Variants in CHST11 observed in about 807,000 individuals in gnomAD.
The protein encoded by CHST11 is carbohydrate sulfotransferase 11, also known as C4S-1.
CHST11 carries 9 observed loss-of-function variants against 30.4 expected under a neutral mutation model. The ratio of observed to expected loss-of-function variants is 0.30; its 90% CI spans 0.18 to 0.52. CHST11 has a LOEUF of 0.52. Among genes scored for constraint, CHST11 ranks in the 20% least tolerant of loss-of-function variants. CHST11 has a pLI of 0.97. For synonymous variants in CHST11, 152 were observed against 187.8 expected, an observed-to-expected ratio of 0.81 and a Z score of 1.56; for missense variants, 348 against 460.6, an observed-to-expected ratio of 0.76 and a Z score of 2.24.
At chr12:104,636,098 G>A (rs1439096533) in intron 2 of CHST11, among the ~76,000 whole-genome samples, 1 of 152,148 alleles carries the variant, frequency 6.6e-6, no homozygotes, top group Non-Finnish European at 1.5e-5. Context: ...TTACAGATGT[G>A]GCTATTGAGG....
rs367908562 is a variant in CHST11 at position 104,643,742 on chromosome 12, A to G, written c.204+41751A>G. ...TCCTTTGCCTGGAATGGCTTATTCT[A>G]GATCAGGGATGGAAACATCAGTTGT... On this transcript the variant is annotated intron_variant, in intron 2 of 2. Transcript: ENST00000303694. Among the ~76,000 whole-genome samples, 131 of 152,194 alleles carry G rather than the reference A, an allele frequency of 8.6e-4. 6 individuals are homozygous for G. The South Asian group carries it at 0.027, about 31-fold the overall frequency.
chr12:104,474,597 A>G (rs1405283150), intron 1 of CHST11, among the ~76,000 whole-genome samples: 1 of 152,246 alleles, frequency 6.6e-6, no homozygotes, highest in Non-Finnish European at 1.5e-5. Context: ...GATTTGAGGG[A>G]TGTGCAGGAT....
intron 1 of CHST11, among the ~76,000 whole-genome samples, chr12:104,476,069 T>C (rs1016249192): frequency 6.2e-5 from 9 of 144,424 alleles, no homozygotes; most frequent in Non-Finnish European, 1.4e-4. Flanking sequence ...TAATTACATA[T>C]ATGTAGTTAT....
intron 2 of CHST11, among the ~76,000 whole-genome samples, chr12:104,742,229 C>T (rs1566061509): frequency 6.6e-6 from 1 of 152,144 alleles, no homozygotes; most frequent in Admixed American, 6.5e-5. Flanking sequence ...ATATTCTGGT[C>T]AGTCTGGGAA....
intron 1 of CHST11, among the ~76,000 whole-genome samples, chr12:104,592,213 A>G (rs2038866259): frequency 1.3e-5 from 2 of 150,888 alleles, no homozygotes; most frequent in Non-Finnish European, 2.9e-5. Context: ...GTGGGTGGGC[A>G]GCATACCCCA....
At chr12:104,625,611 C>A (rs1049972420) in intron 2 of CHST11, among the ~76,000 whole-genome samples, 1 of 152,172 alleles carries the variant, frequency 6.6e-6, no homozygotes, top group African/African-American at 2.4e-5. Flanking sequence ...AGCTGGCCAT[C>A]CTTTTTCTTT....
chr12:104,744,925 G>A (rs2040378778), intron 2 of CHST11, among the ~76,000 whole-genome samples: 1 of 151,970 alleles, frequency 6.6e-6, no homozygotes, highest in Admixed American at 6.6e-5. Flanking sequence ...CCAGGCTGGA[G>A]TGCAATGGCA....
chr12:104,742,066 A>G (rs959980135), intron 2 of CHST11, among the ~76,000 whole-genome samples: 2 of 152,184 alleles, frequency 1.3e-5, no homozygotes, highest in African/African-American at 4.8e-5. Flanking sequence ...AGTGCCTACT[A>G]TGTGCCAGGT....
At chr12:104,561,077 G>T (rs895785509) in intron 1 of CHST11, among the ~76,000 whole-genome samples, 1 of 152,124 alleles carries the variant, frequency 6.6e-6, no homozygotes, top group Non-Finnish European at 1.5e-5. Flanking sequence ...TGCGAGATGA[G>T]TAAGATAATT....
intron 2 of CHST11, among the ~76,000 whole-genome samples, chr12:104,684,843 C>T (rs2039832013): frequency 6.6e-6 from 1 of 152,236 alleles, no homozygotes; most frequent in Non-Finnish European, 1.5e-5. Flanking sequence ...GCCACCACCA[C>T]ACCCAGCCCC....
intron 2 of CHST11, among the ~76,000 whole-genome samples, chr12:104,715,926 G>A (rs2040127510): frequency 6.6e-6 from 1 of 152,216 alleles, no homozygotes; most frequent in African/African-American, 2.4e-5. Flanking sequence ...ACCTATAGCA[G>A]TATTAGATCC....
At chr12:104,686,729 C>A (rs2039849959) in intron 2 of CHST11, among the ~76,000 whole-genome samples, 1 of 152,176 alleles carries the variant, frequency 6.6e-6, no homozygotes, top group South Asian at 2.1e-4. Context: ...CTCACCGTAA[C>A]CTCCGCCTCC....
At chr12:104,674,235 T>C (rs956644192) in intron 2 of CHST11, among the ~76,000 whole-genome samples, 1 of 152,206 alleles carries the variant, frequency 6.6e-6, no homozygotes, top group Non-Finnish European at 1.5e-5. Flanking sequence ...AACTCTTAGC[T>C]GTTCATTAAA....
At chr12:104,733,376 CTG>C in intron 2 of CHST11, among the ~76,000 whole-genome samples, 1 of 152,182 alleles carries the variant, frequency 6.6e-6, no homozygotes, top group Non-Finnish European at 1.5e-5. Flanking sequence ...GTAACACTGA[CTG>C]TGGGTATCAG....
At chr12:104,538,629 T>C (rs1294698738) in intron 1 of CHST11, among the ~76,000 whole-genome samples, 1 of 152,234 alleles carries the variant, frequency 6.6e-6, no homozygotes, top group African/African-American at 2.4e-5. Flanking sequence ...CCACTTCATT[T>C]CTTTCCTCCA....
intron 1 of CHST11, among the ~76,000 whole-genome samples, chr12:104,544,416 T>C (rs2038322249): frequency 6.6e-6 from 1 of 152,062 alleles, no homozygotes; most frequent in South Asian, 2.1e-4. Flanking sequence ...ATTTTGCCAT[T>C]GTAGAAATCA....
At chr12:104,640,386 T>G (rs1345091988) in intron 2 of CHST11, among the ~76,000 whole-genome samples, 5 of 152,198 alleles carry the variant, frequency 3.3e-5, no homozygotes, top group African/African-American at 1.2e-4. Context: ...CAACAGAATA[T>G]TATTCAGCAA....
intron 2 of CHST11, among the ~76,000 whole-genome samples, chr12:104,675,017 G>A (rs926867574): frequency 1.3e-5 from 2 of 152,108 alleles, no homozygotes; most frequent in African/African-American, 4.8e-5. Context: ...GCATTTTTCC[G>A]AAGAAAGGTA....
In CHST11 at chr12:104,727,944, G is replaced by C. The variant is rs188033462; in HGVS notation, c.205-29005G>C. ...AGTTAAAAATCAGGCAGGCACAGGG[G>C]AGAGAGACGTGGATCCAGGCGTGGA... On this transcript the variant is annotated intron_variant, in intron 2 of 2. Coordinates refer to ENST00000303694, the MANE Select transcript of CHST11 (RefSeq NM_018413.6). Among the ~76,000 whole-genome samples, 81 of 152,286 alleles carry C rather than the reference G, an allele frequency of 5.3e-4. No homozygotes were observed. The East Asian group carries it at 0.015, about 28-fold the overall frequency.
Sources: allele counts gnomAD v4.1 joint callset (sites outside exome capture counted in the v4.1 genomes callset), GRCh38; gene constraint gnomAD v4.1.1; transcripts MANE v1.5; gene names NCBI Gene and HGNC (gene_info 2026-07-23, HGNC 2026-07-21).